Variants in NBEAL1 observed in about 807,000 individuals in gnomAD.
NBEAL1 encodes neurobeachin like 1.
Under a neutral mutation model 351.3 loss-of-function variants are expected in NBEAL1, and 273 were observed. That is an observed-to-expected ratio of 0.78 (90% CI 0.70 to 0.86). The LOEUF (loss-of-function observed/expected upper bound fraction) is 0.86. NBEAL1 is among the 40% of genes least tolerant of loss of function. The pLI is 0.00. For synonymous variants in NBEAL1, 1,050 were observed against 1,086.4 expected, an observed-to-expected ratio of 0.97 and a Z score of 0.66; for missense variants, 2,961 against 3,201.3, an observed-to-expected ratio of 0.92 and a Z score of 1.81.
Position 203,211,090 on chromosome 2 carries a change from A to G in NBEAL1, c.7918A>G (p.Ile2640Val), listed in dbSNP as rs757080217. ...AGGCAGCATACAAGGATTCCTGTCTATAAGAGATCTCCACAGGTAAATAAT... is the reference window on the plus strand; with the variant it reads ...AGGCAGCATACAAGGATTCCTGTCTGTAAGAGATCTCCACAGGTAAATAAT... ...VTGSIQGFLS[I>V]RDLHSLNLSI... Residue 2640 changes from isoleucine (I) to valine (V), a missense_variant, in exon 54 of 56, where the codon ATA becomes GTA. Physicochemically the swap from Ile to Val is conservative, Grantham distance 29. Coordinates refer to ENST00000683969, the MANE Select transcript of NBEAL1 (RefSeq NM_001378026.1). 5.7e-6 allele frequency: 9 copies of G among 1,588,212 alleles called. No individual in the cohort carries two copies. In the South Asian group the frequency reaches 7.1e-5, roughly 12 times the overall value.
chr2:203,039,609 G>A (rs1312753971), intron 2 of NBEAL1, among the ~76,000 whole-genome samples: 5 of 152,086 alleles, frequency 3.3e-5, no homozygotes, highest in Non-Finnish European at 5.9e-5. Context: ...GGCCAGGCTC[G>A]TCTCAAACCC....
intron 39 of NBEAL1, among the ~76,000 whole-genome samples, chr2:203,170,144 G>T (rs2064274032): frequency 6.6e-6 from 1 of 152,142 alleles, no homozygotes; most frequent in Non-Finnish European, 1.5e-5. Context: ...GCTGAGGCAG[G>T]CGGATCACCT....
chr2:203,068,504 A>C, intron 7 of NBEAL1, 29 bp downstream of exon 7: 1 of 1,234,894 alleles, frequency 8.1e-7, no homozygotes, highest in Non-Finnish European at 1.2e-6. Context: ...TTCTCTTGCT[A>C]TGATTATCAT....
chr2:203,211,011 A>G lies in NBEAL1; in HGVS notation c.7839A>G (p.Gln2613=). ...FSINGKYLGS[Q]ILKEQVSDIC... ...TAAATGGCAAGTATCTAGGGTCTCAAATCCTGAAGGAACAAGTATCAGATA... is the reference window on the plus strand; with the variant it reads ...TAAATGGCAAGTATCTAGGGTCTCAGATCCTGAAGGAACAAGTATCAGATA... Residue 2613 remains glutamine (Q), a synonymous_variant, in exon 54 of 56, where the codon CAA becomes CAG. Coordinates refer to ENST00000683969, the MANE Select transcript of NBEAL1 (RefSeq NM_001378026.1). The G allele has an allele frequency of 1.2e-6, 2 of 1,605,894 alleles. No individual in the cohort carries two copies. The highest frequency in any genetic ancestry group is 1.7e-6 in the Non-Finnish European group (2 of 1,174,710).
At chr2:203,115,646 T>G (rs1039409328) in intron 17 of NBEAL1, among the ~76,000 whole-genome samples, 135 of 152,200 alleles carry the variant, frequency 8.9e-4, no homozygotes, top group African/African-American at 3.2e-3. Flanking sequence ...CCCAGGCTGG[T>G]CTCAAACTCC....
rs904435522 is a variant in NBEAL1 at position 203,220,773 on chromosome 2, A to C, written c.*3419A>C. Among the ~76,000 whole-genome samples the C allele has an allele frequency of 2.6e-5, 4 of 152,204 alleles. No homozygotes were observed. Among genetic ancestry groups the C allele is most frequent in the African/African-American group, 9.6e-5 (4 of 41,468 alleles). On this transcript the variant is annotated 3_prime_UTR_variant, in exon 56 of 56. Coordinates refer to ENST00000683969, the MANE Select transcript of NBEAL1 (RefSeq NM_001378026.1). ...AGAAAGAAAAATAGATCAGGGCATA[A>C]AAATCAGGAAAGTATATAAAAATGA... is the stretch of plus-strand genomic sequence containing the variant.
At chr2:203,140,269 C>T (rs2063332549) in intron 31 of NBEAL1, among the ~76,000 whole-genome samples, 1 of 149,944 alleles carries the variant, frequency 6.7e-6, no homozygotes. Flanking sequence ...CGCCATTGCA[C>T]TCCAGCCTGG....
rs180771101 is a variant in NBEAL1, at chr2:203,193,902, T to G, written c.7029T>G (p.Phe2343Leu). 2.3e-3 allele frequency: 3,724 copies of G among 1,589,564 alleles called. 8 individuals are homozygous for G. The highest frequency in any genetic ancestry group is 2.8e-3 in the Non-Finnish European group (3,193 of 1,159,358). The change falls in exon 47 of 56, where the codon TTT (phenylalanine) becomes TTG (leucine). Residue 2343 changes from phenylalanine to leucine, a missense_variant. Physicochemically the swap from Phe to Leu is conservative, Grantham distance 22. Transcript: ENST00000683969. ...AACACCTTCCTGAACTCAAGTCATT[T>G]TTTATAGAGGTAATATCCTACTTGG... ...LFQHLPELKS[F>L]FIEGISDGIP...
intron 15 of NBEAL1, among the ~76,000 whole-genome samples, chr2:203,110,852 G>A (rs1479803968): frequency 7.4e-6 from 1 of 134,326 alleles, no homozygotes; most frequent in Non-Finnish European, 1.5e-5. Flanking sequence ...TGCAACCTCT[G>A]CCTCCCGGGT....
chr2:203,046,890 A>G (rs1333542900), intron 3 of NBEAL1, among the ~76,000 whole-genome samples: 1 of 152,148 alleles, frequency 6.6e-6, no homozygotes, highest in Non-Finnish European at 1.5e-5. Context: ...AAGTAGACAT[A>G]TAGGTCGGAT....
chr2:203,204,948 G>C (rs555423019), intron 51 of NBEAL1, among the ~76,000 whole-genome samples: 25 of 152,108 alleles, frequency 1.6e-4, no homozygotes, highest in African/African-American at 6.0e-4. Flanking sequence ...ACAATCATGT[G>C]ATCTGAAAAT....
intron 2 of NBEAL1, among the ~76,000 whole-genome samples, chr2:203,020,163 A>C (rs749295403): frequency 5.9e-5 from 9 of 152,172 alleles, no homozygotes; most frequent in Non-Finnish European, 1.3e-4. Flanking sequence ...TGTGATGTGC[A>C]ATTTGGTTTC....
At chr2:203,106,238 C>T (rs1365499616) in intron 12 of NBEAL1, among the ~76,000 whole-genome samples, 1 of 152,152 alleles carries the variant, frequency 6.6e-6, no homozygotes, top group Non-Finnish European at 1.5e-5. Flanking sequence ...ACTTTACACT[C>T]TTATCTGCCA....
At chr2:203,099,500 T>A in intron 11 of NBEAL1, 129 bp from the exon 12 acceptor site, 1 of 566,124 alleles carries the variant, frequency 1.8e-6, no homozygotes, top group South Asian at 2.6e-5. Context: ...AGAAATCCAT[T>A]TCATCAGAAG....
chr2:203,190,685 C>G (rs551514623), intron 46 of NBEAL1: 5 of 211,224 alleles, frequency 2.4e-5, no homozygotes, highest in South Asian at 1.2e-4. Flanking sequence ...TCTTAAGAAT[C>G]AAATTGCTCT....
chr2:203,084,235 A>T (rs1393101716), intron 9 of NBEAL1, among the ~76,000 whole-genome samples: 1 of 152,196 alleles, frequency 6.6e-6, no homozygotes, highest in African/African-American at 2.4e-5. Context: ...AAGTAAAAAG[A>T]AAAGTTATTT....
chr2:203,192,327 AT>A (rs1382788961), intron 46 of NBEAL1, among the ~76,000 whole-genome samples: 2 of 152,130 alleles, frequency 1.3e-5, no homozygotes, highest in African/African-American at 4.8e-5. Flanking sequence ...TGTGATGAAA[AT>A]GATACAAAAA....
At chr2:203,107,173 A>T (rs1294539996) in intron 12 of NBEAL1, among the ~76,000 whole-genome samples, 1 of 152,120 alleles carries the variant, frequency 6.6e-6, no homozygotes, top group African/African-American at 2.4e-5. Flanking sequence ...ATTCTATAAC[A>T]CAGTTATTGT....
chr2:203,029,691 C>CAAA (rs11407531), intron 2 of NBEAL1, among the ~76,000 whole-genome samples: 11 of 101,244 alleles, frequency 1.1e-4, no homozygotes, highest in East Asian at 2.4e-4. Context: ...GACCCTGTCT[C>CAAA]AAAAAAAAAA....
Sources: gnomAD v4.1 joint callset for allele counts (sites outside exome capture counted in the v4.1 genomes callset) on GRCh38, gnomAD v4.1.1 for gene constraint, MANE v1.5 for transcripts, NCBI Gene and HGNC (gene_info 2026-07-23, HGNC 2026-07-21) for gene names.